The following SKP1 variants were observed in gnomAD, a reference collection of about 807,000 sequenced individuals.
SKP1 encodes S-phase kinase associated protein 1.
SKP1 carries 1 observed loss-of-function variant against 21.5 expected under a neutral mutation model. The ratio of observed to expected loss-of-function variants is 0.05; its 90% CI spans 0.02 to 0.22. SKP1 has a LOEUF of 0.22. Among genes scored for constraint, SKP1 ranks in the 10% least tolerant of loss-of-function variants. SKP1 has a pLI of 1.00. For missense variants in SKP1, 70 were observed against 192.0 expected (o/e 0.36, Z 3.76); for synonymous variants, 59 against 59.3 (o/e 0.99, Z 0.03).
intron 3 of SKP1, chr5:134,161,723 T>C (rs966061776): frequency 5.3e-5 from 8 of 152,250 alleles, no homozygotes; most frequent in African/African-American, 1.7e-4. Context: ...TATGTACATA[T>C]ATTGTAACCA....
Position 134,151,744 on chromosome 5 carries a change from G to A in SKP1, c.*5989C>T. 2 of 455,406 alleles carry A rather than the reference G, an allele frequency of 4.4e-6. No individual in the cohort carries two copies. Among genetic ancestry groups the A allele is most frequent in the Non-Finnish European group, 8.8e-6 (2 of 226,352 alleles). 28.2% of individuals were successfully genotyped at this position (455,406 alleles called of 1,614,324 possible). On this transcript the variant is annotated 3_prime_UTR_variant, in exon 6 of 6. Transcript: ENST00000353411. ...TATGAGCAACTACATTCCTCCCATA[G>A]AATGCTGCTCAATACTGGCACACAG...
Position 134,158,032 on chromosome 5 carries a change from T to C in SKP1, c.457-264A>G, listed in dbSNP as rs537720195. On this transcript the variant is annotated intron_variant, in intron 5 of 5. Coordinates refer to ENST00000353411, the MANE Select transcript of SKP1 (RefSeq NM_170679.3). ...GACAGAGCAAATTCAGTTAATTCAT[T>C]CACATTATTTCAGTCTGTAGTCATG... 1.2e-5 allele frequency: 17 copies of C among 1,475,872 alleles called. No individual in the cohort carries two copies. In the East Asian group the frequency reaches 4.8e-4, roughly 42 times the overall value. 91.4% of individuals were successfully genotyped at this position (1,475,872 alleles called of 1,614,324 possible). A position where few individuals can be genotyped will look rare whatever the true frequency, so the allele number is the denominator to read the frequency against.
chr5:134,160,828 T>C (rs570854026), intron 4 of SKP1, among the ~76,000 whole-genome samples, 159 bp downstream of exon 4: 27 of 152,336 alleles, frequency 1.8e-4, no homozygotes, highest in African/African-American at 6.3e-4. Context: ...GTTTAGACCA[T>C]TTACATTTAG....
chr5:134,159,111 G>T (rs767651623), intron 4 of SKP1, among the ~76,000 whole-genome samples: 1 of 152,078 alleles, frequency 6.6e-6, no homozygotes, highest in Admixed American at 6.6e-5. Context: ...TTAGATCACC[G>T]ATTTGAAACT....
chr5:134,172,560 G>C (rs1217815265), intron 2 of SKP1, among the ~76,000 whole-genome samples: 1 of 145,464 alleles, frequency 6.9e-6, no homozygotes, highest in Non-Finnish European at 1.5e-5. Context: ...AGACAAAAGA[G>C]AAAGCTTGTT....
rs1307071645 is a variant in SKP1, at chr5:134,149,268, T to C, written c.*8465A>G. Reference sequence around the variant, plus strand: ...CTTTTGAAGTCTCCAATGTCTATTATTCCATTCCGTATCCATATACCATGT... The same window carrying C: ...CTTTTGAAGTCTCCAATGTCTATTACTCCATTCCGTATCCATATACCATGT... On this transcript the variant is annotated 3_prime_UTR_variant, in exon 6 of 6. Coordinates refer to ENST00000353411, the MANE Select transcript of SKP1 (RefSeq NM_170679.3). The C allele has an allele frequency of 1.3e-5, 2 of 152,246 alleles. No homozygotes were observed. The highest frequency in any genetic ancestry group is 2.4e-5 in the African/African-American group (1 of 41,448). The allele number at this position is 152,246 out of a possible 1,614,324, so 9.4% of individuals were successfully genotyped here. A position where few individuals can be genotyped will look rare whatever the true frequency, so the allele number is the denominator to read the frequency against.
chr5:134,168,459 G>A (rs2149376082), intron 2 of SKP1, among the ~76,000 whole-genome samples: 1 of 152,158 alleles, frequency 6.6e-6, no homozygotes, highest in East Asian at 1.9e-4. Context: ...TAAGATTAAA[G>A]TTTTTAAAGT....
At chr5:134,162,493 C>A (rs964956954) in intron 3 of SKP1, among the ~76,000 whole-genome samples, 1 of 152,186 alleles carries the variant, frequency 6.6e-6, no homozygotes, top group African/African-American at 2.4e-5. Context: ...GCAACCTCCA[C>A]CTCCTGGGTT....
intron 2 of SKP1, among the ~76,000 whole-genome samples, chr5:134,170,628 A>G (rs1761422644): frequency 6.6e-6 from 1 of 152,246 alleles, no homozygotes; most frequent in Non-Finnish European, 1.5e-5. Context: ...TCCAGCCCTC[A>G]AGAGGCTAGA....
chr5:134,173,841 C>T, intron 2 of SKP1, 85 bp downstream of exon 2: 1 of 812,866 alleles, frequency 1.2e-6, no homozygotes, highest in South Asian at 1.4e-5. Context: ...CACCTTATGA[C>T]AGGCTGCTGC....
At chr5:134,159,839 G>T (rs965409385) in intron 4 of SKP1, among the ~76,000 whole-genome samples, 1 of 150,804 alleles carries the variant, frequency 6.6e-6, no homozygotes, top group Admixed American at 6.6e-5. Flanking sequence ...GAGCCACCGC[G>T]CCCGGCCTAA....
intron 4 of SKP1, among the ~76,000 whole-genome samples, chr5:134,160,112 T>C (rs1288897371): frequency 2.0e-5 from 3 of 151,780 alleles, no homozygotes; most frequent in African/African-American, 7.3e-5. Context: ...TCCCAACACT[T>C]TGGGAGGCCT....
intron 2 of SKP1, among the ~76,000 whole-genome samples, chr5:134,167,714 C>T (rs769351500): frequency 2.0e-5 from 3 of 152,082 alleles, no homozygotes; most frequent in Non-Finnish European, 4.4e-5. Context: ...TTAGGAGAGA[C>T]GGGGTTTCAC....
At chr5:134,159,047 T>C (rs934093974) in intron 4 of SKP1, among the ~76,000 whole-genome samples, 2 of 152,248 alleles carry the variant, frequency 1.3e-5, no homozygotes, top group Non-Finnish European at 2.9e-5. Flanking sequence ...AATATTCTCA[T>C]TCTTCTGTTT....
rs13358653 is a variant in SKP1 at position 134,153,413 on chromosome 5, C to G, written c.*4320G>C. On this transcript the variant is annotated 3_prime_UTR_variant, in exon 6 of 6. Transcript: ENST00000353411. Reference sequence around the variant, plus strand: ...GGAGGACTGTTGGAGCCCAAGAGTTCGAGGCTGCAATGAGCTGTGATCACA... The same window carrying G: ...GGAGGACTGTTGGAGCCCAAGAGTTGGAGGCTGCAATGAGCTGTGATCACA... 4 of 152,450 alleles carry G rather than the reference C, an allele frequency of 2.6e-5. No individual in the cohort carries two copies. The highest frequency in any genetic ancestry group is 7.2e-5 in the African/African-American group (3 of 41,402). 9.4% of individuals were successfully genotyped at this position (152,450 alleles called of 1,614,324 possible).
chr5:134,154,800 C>A lies in SKP1; in HGVS notation c.*2933G>T, dbSNP rs1303429654. 1 of 152,182 alleles carries A rather than the reference C, an allele frequency of 6.6e-6. No individual in the cohort carries two copies. Among genetic ancestry groups the A allele is most frequent in the Non-Finnish European group, 1.5e-5 (1 of 68,034 alleles). 9.4% of individuals were successfully genotyped at this position (152,182 alleles called of 1,614,324 possible). A position where few individuals can be genotyped will look rare whatever the true frequency, so the allele number is the denominator to read the frequency against. ...TTAATCCCTAAGTTTACTTTATCAACAAGGGTTTTCTTTCCTTTACTACTA... is the reference window on the plus strand; with the variant it reads ...TTAATCCCTAAGTTTACTTTATCAAAAAGGGTTTTCTTTCCTTTACTACTA... On this transcript the variant is annotated 3_prime_UTR_variant, in exon 6 of 6. Coordinates refer to ENST00000353411, the MANE Select transcript of SKP1 (RefSeq NM_170679.3).
intron 3 of SKP1, among the ~76,000 whole-genome samples, chr5:134,162,911 A>T (rs922034487): frequency 2.6e-5 from 4 of 151,990 alleles, no homozygotes; most frequent in African/African-American, 9.7e-5. Flanking sequence ...CGTCTCTACA[A>T]AAAATGATGA....
In SKP1 at chr5:134,151,751, G is replaced by C. The variant is rs1250538379; in HGVS notation, c.*5982C>G. The C allele has an allele frequency of 2.2e-6, 1 of 454,586 alleles. No homozygotes were observed. The highest frequency in any genetic ancestry group is 2.4e-5 in the Admixed American group (1 of 42,416). The allele number at this position is 454,586 out of a possible 1,614,324, so 28.2% of individuals were successfully genotyped here. A position where few individuals can be genotyped will look rare whatever the true frequency, so the allele number is the denominator to read the frequency against. ...AACTACATTCCTCCCATAGAATGCT[G>C]CTCAATACTGGCACACAGACCAGAG... On this transcript the variant is annotated 3_prime_UTR_variant, in exon 6 of 6. Coordinates refer to ENST00000353411, the MANE Select transcript of SKP1 (RefSeq NM_170679.3).
rs78142996 is a variant in SKP1, at chr5:134,155,230, G to A, written c.*2503C>T. On this transcript the variant is annotated 3_prime_UTR_variant, in exon 6 of 6. Coordinates refer to ENST00000353411, the MANE Select transcript of SKP1 (RefSeq NM_170679.3). ...GGGAAGTAAGAGAGTAGCCAGAAATGAGTGGAGTTTTGAAGACTGAGGTTT... is the reference window on the plus strand; with the variant it reads ...GGGAAGTAAGAGAGTAGCCAGAAATAAGTGGAGTTTTGAAGACTGAGGTTT... 6 of 152,200 alleles carry A rather than the reference G, an allele frequency of 3.9e-5. No homozygotes were observed. The highest frequency in any genetic ancestry group is 1.2e-4 in the African/African-American group (5 of 41,428). 9.4% of individuals were successfully genotyped at this position (152,200 alleles called of 1,614,324 possible). A position where few individuals can be genotyped will look rare whatever the true frequency, so the allele number is the denominator to read the frequency against.
Sources: gnomAD v4.1 joint callset for allele counts (sites outside exome capture counted in the v4.1 genomes callset) on GRCh38, gnomAD v4.1.1 for gene constraint, MANE v1.5 for transcripts, NCBI Gene and HGNC (gene_info 2026-07-23, HGNC 2026-07-21) for gene names.